Variants in PBX3 observed in about 807,000 individuals in gnomAD.
PBX3 encodes PBX homeobox 3, also known as pre-B-cell leukemia transcription factor 3.
In PBX3, 14 loss-of-function variants were observed where a neutral mutation model predicts 48.5. That is an observed-to-expected ratio of 0.29 (90% CI 0.19 to 0.45). The LOEUF is 0.45. Among genes scored for constraint, PBX3 ranks in the 20% least tolerant of loss-of-function variants. The pLI is 1.00. For missense variants in PBX3, 386 were observed against 546.7 expected (o/e 0.71, Z 2.93); for synonymous variants, 210 against 200.3 (o/e 1.05, Z -0.41).
chr9:125,883,443 T>A (rs374633625), intron 2 of PBX3, among the ~76,000 whole-genome samples: 3 of 152,240 alleles, frequency 2.0e-5, no homozygotes, highest in African/African-American at 7.2e-5. Context: ...ATCATTCTTG[T>A]CAGTGGTACT....
intron 2 of PBX3, among the ~76,000 whole-genome samples, chr9:125,833,599 C>T (rs1839032623): frequency 6.6e-6 from 1 of 152,096 alleles, no homozygotes; most frequent in Non-Finnish European, 1.5e-5. Flanking sequence ...GAGGATTAAC[C>T]TAATGTTGTA....
At chr9:125,955,818 T>A (rs1490614016) in intron 5 of PBX3, among the ~76,000 whole-genome samples, 1 of 152,208 alleles carries the variant, frequency 6.6e-6, no homozygotes, top group African/African-American at 2.4e-5. Context: ...CTAATTATTT[T>A]GAGTGGATAG....
At chr9:125,751,247 T>G (rs1197711083) in intron 2 of PBX3, among the ~76,000 whole-genome samples, 1 of 152,194 alleles carries the variant, frequency 6.6e-6, no homozygotes, top group Non-Finnish European at 1.5e-5. Context: ...GGGTTGAGGG[T>G]GAACTGTCAT....
chr9:125,856,850 C>G (rs1839737120), intron 2 of PBX3, among the ~76,000 whole-genome samples: 1 of 152,096 alleles, frequency 6.6e-6, no homozygotes, highest in Non-Finnish European at 1.5e-5. Flanking sequence ...TTCTGTAATT[C>G]TTGTTTCAAT....
chr9:125,752,057 T>C lies in PBX3; in HGVS notation c.274+3434T>C, dbSNP rs139846279. On this transcript the variant is annotated intron_variant, in intron 2 of 8. Transcript: ENST00000373489. ...AATCACATTATTGTGAAAAATGTTA[T>C]GCATGAAAAAAAATAAACACAACCT... Among the ~76,000 whole-genome samples, 501 of 152,328 alleles carry C rather than the reference T, an allele frequency of 3.3e-3. 2 individuals are homozygous for C. The highest frequency in any genetic ancestry group is 0.011 in the African/African-American group (447 of 41,584).
At chr9:125,801,783 A>G (rs1206320998) in intron 2 of PBX3, among the ~76,000 whole-genome samples, 2 of 131,220 alleles carry the variant, frequency 1.5e-5, no homozygotes, top group Non-Finnish European at 3.2e-5. Flanking sequence ...ATGAACATGT[A>G]TACACATACA....
At chr9:125,893,746 C>G (rs1840705367) in intron 2 of PBX3, among the ~76,000 whole-genome samples, 1 of 152,038 alleles carries the variant, frequency 6.6e-6, no homozygotes, top group African/African-American at 2.4e-5. Flanking sequence ...CAGAATAAGC[C>G]TGAAAATAGA....
intron 2 of PBX3, among the ~76,000 whole-genome samples, chr9:125,751,235 G>A (rs1352367748): frequency 6.6e-6 from 1 of 152,104 alleles, no homozygotes; most frequent in African/African-American, 2.4e-5. Flanking sequence ...GCTTAATGAA[G>A]GGGGTTGAGG....
intron 2 of PBX3, among the ~76,000 whole-genome samples, chr9:125,872,005 A>G (rs930406815): frequency 6.6e-6 from 1 of 152,184 alleles, no homozygotes; most frequent in African/African-American, 2.4e-5. Flanking sequence ...TAATTTAAAA[A>G]CTTGCTTTGA....
intron 5 of PBX3, among the ~76,000 whole-genome samples, chr9:125,938,611 A>G (rs1184888482): frequency 6.6e-6 from 1 of 152,212 alleles, no homozygotes; most frequent in Non-Finnish European, 1.5e-5. Context: ...ATCACAAGAC[A>G]ACACCAGCCA....
intron 2 of PBX3, among the ~76,000 whole-genome samples, chr9:125,831,332 T>C (rs1023867990): frequency 6.6e-6 from 1 of 152,178 alleles, no homozygotes; most frequent in Non-Finnish European, 1.5e-5. Context: ...CTAATGGTTT[T>C]ACCATCTATG....
chr9:125,833,098 G>A (rs889576459), intron 2 of PBX3, among the ~76,000 whole-genome samples: 6 of 152,172 alleles, frequency 3.9e-5, no homozygotes, highest in African/African-American at 1.4e-4. Context: ...ATTCTTGGGT[G>A]CTAATTATTG....
At chr9:125,787,368 T>C (rs541500188) in intron 2 of PBX3, among the ~76,000 whole-genome samples, 1 of 152,106 alleles carries the variant, frequency 6.6e-6, no homozygotes, top group Admixed American at 6.5e-5. Context: ...AGTTGGGCTG[T>C]GATGAAGTAG....
intron 5 of PBX3, among the ~76,000 whole-genome samples, chr9:125,939,800 G>C (rs2132541682): frequency 6.6e-6 from 1 of 152,238 alleles, no homozygotes; most frequent in South Asian, 2.1e-4. Context: ...GCAAATTGGA[G>C]AATACACGTA....
At chr9:125,791,751 C>T (rs1375774055) in intron 2 of PBX3, among the ~76,000 whole-genome samples, 6 of 151,996 alleles carry the variant, frequency 3.9e-5, no homozygotes, top group Admixed American at 3.3e-4. Flanking sequence ...CTGGCTAACA[C>T]GGTGAAACCC....
chr9:125,858,685 G>T (rs1181548030), intron 2 of PBX3, among the ~76,000 whole-genome samples: 1 of 144,130 alleles, frequency 6.9e-6, no homozygotes, highest in Non-Finnish European at 1.5e-5. Context: ...GAGTGCAATG[G>T]CACGATCTCG....
At chr9:125,880,931 G>A (rs1039471497) in intron 2 of PBX3, among the ~76,000 whole-genome samples, 1 of 152,140 alleles carries the variant, frequency 6.6e-6, no homozygotes, top group Non-Finnish European at 1.5e-5. Context: ...TAAAAACAGA[G>A]TTATGCTTTC....
At chr9:125,950,573 A>G (rs577491443) in intron 5 of PBX3, among the ~76,000 whole-genome samples, 2 of 149,938 alleles carry the variant, frequency 1.3e-5, no homozygotes, top group East Asian at 4.0e-4. Context: ...TCCACCTCCC[A>G]GGTTCTCCCA....
intron 2 of PBX3, among the ~76,000 whole-genome samples, chr9:125,832,077 C>T (rs2132194583): frequency 6.6e-6 from 1 of 152,158 alleles, no homozygotes; most frequent in African/African-American, 2.4e-5. Flanking sequence ...CAGGGTTTCA[C>T]TTAAGTTCTT....
Sources: allele counts gnomAD v4.1 joint callset (sites outside exome capture counted in the v4.1 genomes callset), GRCh38; gene constraint gnomAD v4.1.1; transcripts MANE v1.5; gene names NCBI Gene and HGNC (gene_info 2026-07-23, HGNC 2026-07-21).